MIER2: variants seen among roughly 807,000 people sequenced by gnomAD.
MIER2 encodes mesoderm induction early response protein 2.
In MIER2, 30 loss-of-function variants were observed where a neutral mutation model predicts 67.6. The observed-to-expected ratio is 0.44, with a 90% CI of 0.33 to 0.60. The LOEUF (loss-of-function observed/expected upper bound fraction) is 0.60, where lower values mean the gene tolerates loss of function less well. MIER2 is among the 20% of genes least tolerant of loss of function. The probability of loss-of-function intolerance (pLI) is 0.02; values close to 1 mark genes in which losing one functional copy is unlikely to be tolerated. For missense variants in MIER2, 702 were observed against 745.1 expected, an observed-to-expected ratio of 0.94 and a Z score of 0.67; for synonymous variants, 372 against 312.6, an observed-to-expected ratio of 1.19 and a Z score of -2.00.
At chr19:313,853 C>T (rs1339861066) in intron 7 of MIER2, among the ~76,000 whole-genome samples, 1 of 152,172 alleles carries the variant, frequency 6.6e-6, no homozygotes, top group Non-Finnish European at 1.5e-5. Flanking sequence ...AGAGCAGGCT[C>T]TGGGCACCAC....
chr19:336,607 C>A (rs1860525739), intron 1 of MIER2, among the ~76,000 whole-genome samples: 1 of 152,100 alleles, frequency 6.6e-6, no homozygotes, highest in African/African-American at 2.4e-5. Context: ...TCGTGGGGGC[C>A]AGGAGCCAGG....
At chr19:326,110 CGA>C (rs1316167185) in intron 6 of MIER2, among the ~76,000 whole-genome samples, 1 of 152,206 alleles carries the variant, frequency 6.6e-6, no homozygotes, top group Non-Finnish European at 1.5e-5. Flanking sequence ...TTACTGAGGC[CGA>C]GATACCAGGT....
intron 7 of MIER2, among the ~76,000 whole-genome samples, chr19:317,925 C>T (rs939450249): frequency 2.6e-5 from 4 of 152,080 alleles, no homozygotes; most frequent in African/African-American, 2.4e-5. Flanking sequence ...AGATCTAGGT[C>T]GGACACAGTG....
chr19:313,576 G>A lies in MIER2; in HGVS notation c.723C>T (p.Phe241=), dbSNP rs1432852744. ...AACGCCGCTTCACCGCCCTGTACAGGAACTCCTCCACCTCCCTCTCAGGGA... is the reference window on the plus strand; with the variant it reads ...AACGCCGCTTCACCGCCCTGTACAGAAACTCCTCCACCTCCCTCTCAGGGA... The part of the protein sequence containing the change: ...SVLPEREVEE[F]LYRAVKRRWH... The change falls in exon 8 of 14, where the codon TTC becomes TTT. Residue 241 remains phenylalanine, a synonymous_variant. Transcript: ENST00000264819. 1.2e-6 allele frequency: 2 copies of A among 1,613,396 alleles called. No homozygotes were observed. Among genetic ancestry groups the A allele is most frequent in the East Asian group, 2.2e-5 (1 of 44,870 alleles).
At chr19:323,264 A>G (rs958325028) in intron 7 of MIER2, among the ~76,000 whole-genome samples, 2 of 135,432 alleles carry the variant, frequency 1.5e-5, no homozygotes, top group African/African-American at 5.5e-5. Flanking sequence ...AATACACAAG[A>G]CACACACAAC....
chr19:315,477 G>T (rs1403138923), intron 7 of MIER2, among the ~76,000 whole-genome samples: 3 of 152,358 alleles, frequency 2.0e-5, no homozygotes, highest in African/African-American at 7.2e-5. Flanking sequence ...ATACGTTAAG[G>T]AAATGGACAA....
At chr19:342,255 C>G (rs1486063473) in intron 1 of MIER2, among the ~76,000 whole-genome samples, 1 of 152,164 alleles carries the variant, frequency 6.6e-6, no homozygotes, top group East Asian at 1.9e-4. Context: ...GAAACAAGTT[C>G]CACCTGCCTC....
At chr19:329,428 C>G (rs1356420793) in intron 3 of MIER2, among the ~76,000 whole-genome samples, 2 of 152,210 alleles carry the variant, frequency 1.3e-5, no homozygotes, top group African/African-American at 2.4e-5. Context: ...GAGCACTCAG[C>G]CGTGACTTCC....
intron 1 of MIER2, among the ~76,000 whole-genome samples, chr19:341,113 T>C (rs542811548): frequency 6.6e-6 from 1 of 152,202 alleles, no homozygotes; most frequent in East Asian, 1.9e-4. Context: ...ACCTCTGAAA[T>C]CACCCTCAGC....
At chr19:313,244 G>A (rs988602021) in intron 8 of MIER2, among the ~76,000 whole-genome samples, 1 of 152,112 alleles carries the variant, frequency 6.6e-6, no homozygotes, top group Admixed American at 6.6e-5. Context: ...CCTCTATCCA[G>A]GGAGTGACAT....
intron 2 of MIER2, 133 bp downstream of exon 2, chr19:335,950 G>A: frequency 1.2e-6 from 1 of 807,286 alleles, no homozygotes; most frequent in Non-Finnish European, 2.0e-6. Flanking sequence ...CTGAACGGGT[G>A]GGAGCTGGGA....
rs1011510657 is a variant in MIER2 at position 344,449 on chromosome 19, G to A, written c.9+325C>T. On this transcript the variant is annotated intron_variant, in intron 1 of 13. Transcript: ENST00000264819. ...GAGCCGGACCCTGGAACGGAGCCGCGCGCCCACCGGACCCCCGACACCAGC... is the reference window on the plus strand; with the variant it reads ...GAGCCGGACCCTGGAACGGAGCCGCACGCCCACCGGACCCCCGACACCAGC... 226 of 902,818 alleles carry A rather than the reference G, an allele frequency of 2.5e-4. 1 individual carries two copies. The highest frequency in any genetic ancestry group is 2.7e-4 in the Non-Finnish European group (205 of 755,548). 55.9% of individuals were successfully genotyped at this position (902,818 alleles called of 1,614,324 possible).
In MIER2 at chr19:313,735, C is replaced by T. The variant is rs1167827063; in HGVS notation, c.656-92G>A. ...GCAAAGCAGCCAACTCAGCCCCTGACAGGGAGGAGGCACTGTCCGTCCTCC... is the reference window on the plus strand; with the variant it reads ...GCAAAGCAGCCAACTCAGCCCCTGATAGGGAGGAGGCACTGTCCGTCCTCC... On this transcript the variant is annotated intron_variant, in intron 7 of 13. Transcript: ENST00000264819. 5 of 1,519,346 alleles carry T rather than the reference C, an allele frequency of 3.3e-6. No homozygotes were observed. In the South Asian group the frequency reaches 5.0e-5, roughly 15 times the overall value. 94.1% of individuals were successfully genotyped at this position (1,519,346 alleles called of 1,614,324 possible).
Position 336,133 on chromosome 19 carries a change from CAGG to C in MIER2, c.47_49del (p.Ser16del), listed in dbSNP as rs1972246389. On this transcript the variant is annotated inframe_deletion, in exon 2 of 14. Coordinates refer to ENST00000264819, the MANE Select transcript of MIER2 (RefSeq NM_017550.3). The stretch of plus-strand genomic sequence containing the variant: ...CCCTGGGCACAGGCTGTGCTCGAGG[CAGG>C]AGACCACGCGAGGACTCTGCCTCCC... 1 of 1,613,746 alleles carries C rather than the reference CAGG, an allele frequency of 6.2e-7. No homozygotes were observed. Among genetic ancestry groups the C allele is most frequent in the Admixed American group, 1.7e-5 (1 of 59,992 alleles).
At position 306,348 on chromosome 19, in the gene MIER2, G is replaced by A. The variant is rs1005856874; in HGVS notation, c.*342C>T. On this transcript the variant is annotated 3_prime_UTR_variant, in exon 14 of 14. Coordinates refer to ENST00000264819, the MANE Select transcript of MIER2 (RefSeq NM_017550.3). ...AGTGACGCCTTCCCTCGCCTCTGCT[G>A]GCTGGAAGGGACTAGGTGGCCGGCT... 5 of 405,456 alleles carry A rather than the reference G, an allele frequency of 1.2e-5. No homozygotes were observed. Among genetic ancestry groups the A allele is most frequent in the Non-Finnish European group, 2.2e-5 (5 of 224,414 alleles). The allele number at this position is 405,456 out of a possible 1,614,324, so 25.1% of individuals were successfully genotyped here. A position where few individuals can be genotyped will look rare whatever the true frequency, so the allele number is the denominator to read the frequency against.
In MIER2 at chr19:324,084, C is replaced by T. The variant is rs558283772; in HGVS notation, c.655+1551G>A. On this transcript the variant is annotated intron_variant, in intron 7 of 13. Transcript: ENST00000264819. ...CACAAGACACACACAACCACGCAGA[C>T]GACTCAAAGGACATAGGCGTCATCA... Among the ~76,000 whole-genome samples the T allele has an allele frequency of 1.2e-4, 15 of 127,048 alleles. 1 individual carries two copies. The highest frequency in any genetic ancestry group is 2.1e-4 in the East Asian group (1 of 4,728). The allele number at this position is 127,048 out of a possible 152,430, so 83.3% of individuals were successfully genotyped here. A position where few individuals can be genotyped will look rare whatever the true frequency, so the allele number is the denominator to read the frequency against.
intron 1 of MIER2, among the ~76,000 whole-genome samples, chr19:339,706 G>C (rs1366242463): frequency 6.6e-6 from 1 of 152,110 alleles, no homozygotes; most frequent in Non-Finnish European, 1.5e-5. Flanking sequence ...TCCTGAAACA[G>C]CCAGACACAA....
intron 13 of MIER2, 142 bp downstream of exon 13, chr19:306,977 G>T: frequency 9.5e-7 from 1 of 1,050,036 alleles, no homozygotes; most frequent in Non-Finnish European, 1.4e-6. Flanking sequence ...TAAACCTAAA[G>T]ACACACTGAG....
At chr19:324,307 C>G (rs548118456) in intron 7 of MIER2, among the ~76,000 whole-genome samples, 1 of 137,002 alleles carries the variant, frequency 7.3e-6, no homozygotes, top group East Asian at 2.0e-4. Context: ...ACAAGACACA[C>G]ACAACCACGC....
Sources: allele counts gnomAD v4.1 joint callset (sites outside exome capture counted in the v4.1 genomes callset), GRCh38; gene constraint gnomAD v4.1.1; transcripts MANE v1.5; gene names NCBI Gene and HGNC (gene_info 2026-07-23, HGNC 2026-07-21).